TRHDE: variants seen among roughly 807,000 people sequenced by gnomAD.
TRHDE encodes thyrotropin-releasing hormone-degrading ectoenzyme.
A neutral mutation model predicts 125.7 loss-of-function variants in TRHDE; 72 were observed. That is an observed-to-expected ratio of 0.57 (90% CI 0.47 to 0.70). TRHDE has a LOEUF of 0.70. Ranked by LOEUF, TRHDE falls within the 30% of genes least tolerant of loss-of-function variation. TRHDE has a pLI of 0.00. For missense variants in TRHDE, 1,110 were observed against 1,327.1 expected (o/e 0.84, Z 2.54); for synonymous variants, 509 against 509.1 (o/e 1.00, Z 0.00).
At chr12:72,570,882 T>C (rs1870692819) in intron 10 of TRHDE, among the ~76,000 whole-genome samples, 1 of 152,214 alleles carries the variant, frequency 6.6e-6, no homozygotes, top group South Asian at 2.1e-4. Context: ...TTGGACATTT[T>C]AATGAAAAAG....
At chr12:72,471,056 T>A (rs1032978336) in intron 4 of TRHDE, among the ~76,000 whole-genome samples, 3 of 151,890 alleles carry the variant, frequency 2.0e-5, no homozygotes, top group Non-Finnish European at 2.9e-5. Context: ...TTTATATTTT[T>A]AGTAGAGACG....
chr12:72,127,780 C>T (rs909857073), intron 2 of TRHDE, among the ~76,000 whole-genome samples: 7 of 152,102 alleles, frequency 4.6e-5, no homozygotes, highest in South Asian at 2.1e-4. Flanking sequence ...ACACAATATA[C>T]GTACATAACA....
At chr12:72,380,885 T>TTCCTTCCTTCCTTC (rs1872144718) in intron 3 of TRHDE, among the ~76,000 whole-genome samples, 2 of 146,620 alleles carry the variant, frequency 1.4e-5, no homozygotes, top group African/African-American at 5.1e-5. Flanking sequence ...CTTCTTTCTT[T>TTCCTTCCTTCCTTC]CTTCCTTCCT....
chr12:72,178,598 A>C (rs1181033863), intron 2 of TRHDE, among the ~76,000 whole-genome samples: 3 of 152,122 alleles, frequency 2.0e-5, no homozygotes, highest in Non-Finnish European at 4.4e-5. Flanking sequence ...TGGAAATGGA[A>C]GAACATCAAA....
At chr12:72,636,733 A>C (rs1410652323) in intron 15 of TRHDE, among the ~76,000 whole-genome samples, 2 of 152,222 alleles carry the variant, frequency 1.3e-5, no homozygotes, top group Non-Finnish European at 2.9e-5. Context: ...AATTTTGTCA[A>C]AGGCCTTTTC....
intron 3 of TRHDE, among the ~76,000 whole-genome samples, chr12:72,448,529 G>A (rs1235410369): frequency 6.6e-6 from 1 of 152,038 alleles, no homozygotes; most frequent in Non-Finnish European, 1.5e-5. Flanking sequence ...ACTTATGGTA[G>A]TAGTGTTCTG....
chr12:72,306,429 T>C (rs115189995), intron 2 of TRHDE, among the ~76,000 whole-genome samples: 3,497 of 152,254 alleles, frequency 0.023, 145 homozygotes, highest in African/African-American at 0.079. Flanking sequence ...TTATGATACA[T>C]AAAATTCTAG....
At chr12:72,412,418 A>G (rs1170142015) in intron 3 of TRHDE, among the ~76,000 whole-genome samples, 1 of 152,148 alleles carries the variant, frequency 6.6e-6, no homozygotes, top group Non-Finnish European at 1.5e-5. Context: ...ATAAAATCCG[A>G]CAATACCAGT....
Position 72,091,744 on chromosome 12 carries a change from G to A in TRHDE, n.174+4305G>A, listed in dbSNP as rs1012443359. On this transcript the variant is annotated intron_variant and non_coding_transcript_variant, in intron 1 of 4. Coordinates refer to the TRHDE transcript ENST00000548156. The stretch of plus-strand genomic sequence containing the variant: ...ACAAACTGGGTATGCCACCCAGAAG[G>A]AATGCTGAGGGCAGTCACGACCCAG... Among the ~76,000 whole-genome samples, 3 of 152,192 alleles carry A rather than the reference G, an allele frequency of 2.0e-5. No homozygotes were observed. In the East Asian group the frequency reaches 5.8e-4, roughly 29 times the overall value.
chr12:72,417,832 T>A (rs1046728458), intron 3 of TRHDE, among the ~76,000 whole-genome samples: 2 of 151,988 alleles, frequency 1.3e-5, no homozygotes, highest in Non-Finnish European at 2.9e-5. Flanking sequence ...ACTGACCAGA[T>A]TTCATTAGTC....
intron 3 of TRHDE, among the ~76,000 whole-genome samples, chr12:72,457,084 A>G (rs556531675): frequency 1.3e-5 from 2 of 152,328 alleles, no homozygotes; most frequent in South Asian, 4.1e-4. Flanking sequence ...CAGCTGATAC[A>G]TAATTCAACC....
chr12:72,295,680 C>T (rs535339953), intron 2 of TRHDE, among the ~76,000 whole-genome samples: 58 of 152,174 alleles, frequency 3.8e-4, no homozygotes, highest in African/African-American at 1.3e-3. Flanking sequence ...TCTGTATATA[C>T]GCTTAAAACA....
At chr12:72,639,080 G>C (rs1171108074) in intron 15 of TRHDE, among the ~76,000 whole-genome samples, 3 of 150,468 alleles carry the variant, frequency 2.0e-5, no homozygotes, top group African/African-American at 4.9e-5. Context: ...AGTTCTCCTG[G>C]ATAATATCCT....
At chr12:72,107,639 T>A (rs1011513864) in intron 2 of TRHDE, among the ~76,000 whole-genome samples, 3 of 152,102 alleles carry the variant, frequency 2.0e-5, no homozygotes, top group Non-Finnish European at 4.4e-5. Flanking sequence ...AGCTAAATCC[T>A]AAAGGTGCCC....
intron 6 of TRHDE, among the ~76,000 whole-genome samples, chr12:72,537,811 T>C (rs1212972281): frequency 6.6e-6 from 1 of 152,056 alleles, no homozygotes; most frequent in African/African-American, 2.4e-5. Flanking sequence ...CCAGGAACAG[T>C]TTTTGGCAAT....
chr12:72,231,482 A>T (rs1003150810), intron 2 of TRHDE, among the ~76,000 whole-genome samples: 6 of 152,206 alleles, frequency 3.9e-5, no homozygotes, highest in Non-Finnish European at 7.3e-5. Context: ...TTAAATTCCC[A>T]TCAGACTTTG....
At chr12:72,574,178 G>T (rs546674906) in intron 10 of TRHDE, among the ~76,000 whole-genome samples, 5 of 152,040 alleles carry the variant, frequency 3.3e-5, no homozygotes, top group Non-Finnish European at 5.9e-5. Flanking sequence ...TTCCTTCAAG[G>T]TAATGAGAGG....
At chr12:72,307,371 T>C (rs1446591384) in intron 2 of TRHDE, among the ~76,000 whole-genome samples, 1 of 151,752 alleles carries the variant, frequency 6.6e-6, no homozygotes, top group Non-Finnish European at 1.5e-5. Context: ...AGATGGGGTT[T>C]TTCCACTTGG....
chr12:72,289,627 T>C (rs1005788049), intron 2 of TRHDE, among the ~76,000 whole-genome samples: 1 of 152,236 alleles, frequency 6.6e-6, no homozygotes, highest in African/African-American at 2.4e-5. Flanking sequence ...TGTTCATTTA[T>C]TCCTTCAACA....
Sources: gnomAD v4.1 joint callset for allele counts (sites outside exome capture counted in the v4.1 genomes callset) on GRCh38, gnomAD v4.1.1 for gene constraint, MANE v1.5 for transcripts, NCBI Gene and HGNC (gene_info 2026-07-23, HGNC 2026-07-21) for gene names.